Variants in TASP1 observed in about 807,000 individuals in gnomAD.
TASP1 encodes threonine aspartase 1.
TASP1 carries 16 observed loss-of-function variants against 56.6 expected under a neutral mutation model. The observed-to-expected ratio is 0.28, with a 90% confidence interval of 0.19 to 0.43. The LOEUF (loss-of-function observed/expected upper bound fraction) is 0.43. Ranked by LOEUF, TASP1 falls within the 20% of genes least tolerant of loss-of-function variation. The pLI, the probability that TASP1 is intolerant of heterozygous loss-of-function variation, is 1.00. For missense variants in TASP1, 393 were observed against 511.6 expected (o/e 0.77, Z 2.24); for synonymous variants, 179 against 184.2 (o/e 0.97, Z 0.23).
the TASP1 span, among the ~76,000 whole-genome samples, chr20:13,353,621 G>C: frequency 0.17 from 25,828 of 152,008 alleles, 2,423 homozygotes; most frequent in African/African-American, 0.23. Flanking sequence ...ACACCTCCAG[G>C]AAGTGGGTGA....
At chr20:13,624,305 T>C (rs1417882534) in intron 3 of TASP1, among the ~76,000 whole-genome samples, 2 of 152,080 alleles carry the variant, frequency 1.3e-5, no homozygotes, top group South Asian at 2.1e-4. Flanking sequence ...ATAAAATTTA[T>C]TTTCAGATGA....
intron 8 of TASP1, among the ~76,000 whole-genome samples, chr20:13,553,790 T>C (rs2147030368): frequency 6.6e-6 from 1 of 152,322 alleles, no homozygotes; most frequent in South Asian, 2.1e-4. Flanking sequence ...TCTCCATTAA[T>C]GCTATACACT....
At chr20:13,221,260 TCC>T in the TASP1 span, among the ~76,000 whole-genome samples, 55 of 110,448 alleles carry the variant, frequency 5.0e-4, 2 homozygotes, top group African/African-American at 2.2e-3. Context: ...CTCCTCCTCC[TCC>T]TTCTCCTTCT....
At chr20:13,477,509 C>G (rs559469895) in intron 11 of TASP1, among the ~76,000 whole-genome samples, 1 of 151,980 alleles carries the variant, frequency 6.6e-6, no homozygotes, top group Non-Finnish European at 1.5e-5. Flanking sequence ...AAGTACTGAG[C>G]AGGAATCTAT....
the TASP1 span, among the ~76,000 whole-genome samples, chr20:13,333,750 C>T: frequency 1.3e-5 from 2 of 152,136 alleles, no homozygotes; most frequent in Admixed American, 1.3e-4. Flanking sequence ...GTATTTCTTG[C>T]TTCGTTTTTA....
chr20:13,178,863 C>T, the TASP1 span, among the ~76,000 whole-genome samples: 2 of 151,820 alleles, frequency 1.3e-5, no homozygotes, highest in Non-Finnish European at 2.9e-5. Context: ...TGTTCTATAC[C>T]ACTGTAGGAT....
chr20:13,293,577 G>T, the TASP1 span, among the ~76,000 whole-genome samples: 1 of 152,058 alleles, frequency 6.6e-6, no homozygotes, highest in East Asian at 1.9e-4. Flanking sequence ...GCCTATTGGG[G>T]TCAGGTAATG....
the TASP1 span, chr20:13,299,235 A>C: frequency 6.2e-7 from 1 of 1,602,404 alleles, no homozygotes; most frequent in Non-Finnish European, 8.5e-7. The surrounding 1 kb of genome is among the most constrained non-coding windows in gnomAD (Gnocchi z 5.8). Context: ...CGGCGACAAC[A>C]TGCAGCTCAT....
At chr20:13,182,789 A>G in the TASP1 span, among the ~76,000 whole-genome samples, 1 of 152,214 alleles carries the variant, frequency 6.6e-6, no homozygotes, top group African/African-American at 2.4e-5. Context: ...AATAATTCAA[A>G]CAAGTAGCGA....
chr20:13,319,490 C>T, the TASP1 span, among the ~76,000 whole-genome samples: 875 of 151,982 alleles, frequency 5.8e-3, 3 homozygotes, highest in South Asian at 0.016. Context: ...AACAGTCACT[C>T]GGAGAGTGAG....
chr20:13,579,255 A>G (rs1235814372), intron 6 of TASP1, among the ~76,000 whole-genome samples: 1 of 152,254 alleles, frequency 6.6e-6, no homozygotes, highest in Non-Finnish European at 1.5e-5. Context: ...TATGGCTAGA[A>G]GGACTCCGCA....
chr20:13,110,088 T>A, the TASP1 span: 15 of 1,533,736 alleles, frequency 9.8e-6, no homozygotes, highest in Non-Finnish European at 1.0e-5. Flanking sequence ...ATGACTCAAT[T>A]TTTTTTTTTG....
chr20:13,355,521 G>A, the TASP1 span, among the ~76,000 whole-genome samples: 1 of 152,204 alleles, frequency 6.6e-6, no homozygotes, highest in Admixed American at 6.5e-5. Context: ...TTGTTCCATG[G>A]TGTTTTAGGA....
the TASP1 span, among the ~76,000 whole-genome samples, chr20:13,358,126 C>A: frequency 1.3e-5 from 2 of 152,034 alleles, no homozygotes; most frequent in African/African-American, 2.4e-5. Context: ...GAGCACCTTG[C>A]GACCCTCACT....
the TASP1 span, among the ~76,000 whole-genome samples, chr20:13,356,280 G>C: frequency 6.6e-6 from 1 of 152,178 alleles, no homozygotes; most frequent in Admixed American, 6.5e-5. Flanking sequence ...CAGGTCTACA[G>C]TTTTCCCAGA....
chr20:13,376,981 C>A, the TASP1 span, among the ~76,000 whole-genome samples: 2 of 152,198 alleles, frequency 1.3e-5, no homozygotes, highest in Non-Finnish European at 2.9e-5. Context: ...TGGGCTGAGA[C>A]AATGGGGTTT....
intron 4 of TASP1, among the ~76,000 whole-genome samples, chr20:13,602,103 T>C (rs1483233230): frequency 6.6e-6 from 1 of 151,816 alleles, no homozygotes; most frequent in African/African-American, 2.4e-5. Context: ...ATGGTCGTGA[T>C]CTCCTGACCT....
At chr20:13,445,149 C>T (rs2043358753) in intron 11 of TASP1, among the ~76,000 whole-genome samples, 1 of 152,134 alleles carries the variant, frequency 6.6e-6, no homozygotes, top group Non-Finnish European at 1.5e-5. Flanking sequence ...ATCCCATATA[C>T]ATATGGGAGA....
At chr20:13,230,677 TG>T in the TASP1 span, among the ~76,000 whole-genome samples, 3 of 151,298 alleles carry the variant, frequency 2.0e-5, no homozygotes, top group South Asian at 4.2e-4. Context: ...AGAGATGGGA[TG>T]GGGGTGTCGG....
Sources: allele counts gnomAD v4.1 joint callset (sites outside exome capture counted in the v4.1 genomes callset), GRCh38; gene constraint gnomAD v4.1.1; non-coding constraint Gnocchi (gnomAD v3.1); transcripts MANE v1.5; gene names NCBI Gene and HGNC (gene_info 2026-07-23, HGNC 2026-07-21).